The following AASS variants were observed in gnomAD, a reference collection of about 807,000 sequenced individuals.
AASS encodes alpha-aminoadipic semialdehyde synthase, mitochondrial.
In AASS, 86 loss-of-function variants were observed where a neutral mutation model predicts 105.4. The observed-to-expected ratio is 0.82, with a 90% CI of 0.69 to 0.98. AASS has a LOEUF of 0.98. AASS is among the 50% of genes least tolerant of loss of function. AASS has a pLI of 0.00. For missense variants in AASS, 1,048 were observed against 1,143.2 expected, an observed-to-expected ratio of 0.92 and a Z score of 1.20; for synonymous variants, 381 against 394.8, an observed-to-expected ratio of 0.96 and a Z score of 0.41.
intron 15 of AASS, among the ~76,000 whole-genome samples, chr7:122,097,927 C>T (rs1278576655): frequency 6.6e-6 from 1 of 151,726 alleles, no homozygotes; most frequent in African/African-American, 2.4e-5. Context: ...TAGCCAAAAT[C>T]CAGAAACAAC....
intron 18 of AASS, among the ~76,000 whole-genome samples, chr7:122,089,383 G>GA (rs1236065826): frequency 4.6e-5 from 7 of 152,010 alleles, no homozygotes; most frequent in Non-Finnish European, 8.8e-5. Flanking sequence ...GTGGGACCTT[G>GA]AAAAAAGTAT....
At chr7:122,098,944 T>C (rs1794304881) in intron 13 of AASS, 78 bp from the exon 14 acceptor site, 2 of 1,403,950 alleles carry the variant, frequency 1.4e-6, no homozygotes, top group Admixed American at 5.1e-5. Context: ...GAATCTTGCA[T>C]TCCACAAATC....
At chr7:122,079,088 A>T in intron 21 of AASS, 138 bp from the exon 22 acceptor site, 1 of 1,553,676 alleles carries the variant, frequency 6.4e-7, no homozygotes, top group South Asian at 1.2e-5. Context: ...GATTCTCCTA[A>T]AATGTAAAAT....
chr7:122,134,972 T>C (rs1796077680), intron 1 of AASS, among the ~76,000 whole-genome samples: 1 of 152,018 alleles, frequency 6.6e-6, no homozygotes, highest in African/African-American at 2.4e-5. Flanking sequence ...ATGTCCTTTG[T>C]AGGGACATGG....
intron 16 of AASS, 42 bp downstream of exon 16, chr7:122,093,006 G>C (rs772320749): frequency 6.2e-7 from 1 of 1,608,882 alleles, no homozygotes; most frequent in Middle Eastern, 1.7e-4. Flanking sequence ...TAAAAACAAT[G>C]CCATGGATCC....
At chr7:122,093,798 A>T (rs1452916453) in intron 15 of AASS, among the ~76,000 whole-genome samples, 1 of 152,174 alleles carries the variant, frequency 6.6e-6, no homozygotes, top group Non-Finnish European at 1.5e-5. Flanking sequence ...CAATAGAGTG[A>T]GACCCTGTCT....
At chr7:122,130,760 T>C (rs1795870617) in intron 2 of AASS, among the ~76,000 whole-genome samples, 1 of 152,094 alleles carries the variant, frequency 6.6e-6, no homozygotes, top group Non-Finnish European at 1.5e-5. Flanking sequence ...AGGATGAATA[T>C]ACAATTTCTC....
At chr7:122,121,381 A>G (rs548895989) in intron 4 of AASS, among the ~76,000 whole-genome samples, 23 of 152,248 alleles carry the variant, frequency 1.5e-4, no homozygotes, top group African/African-American at 5.5e-4. Context: ...TGAAACTATC[A>G]ATTATCTTTT....
chr7:122,131,149 T>C (rs1163683100), intron 2 of AASS, among the ~76,000 whole-genome samples: 1 of 151,842 alleles, frequency 6.6e-6, no homozygotes, highest in African/African-American at 2.4e-5. Flanking sequence ...TTCTGGAATT[T>C]GTAAATGTTC....
intron 1 of AASS, among the ~76,000 whole-genome samples, chr7:122,139,210 G>A (rs983736914): frequency 1.3e-5 from 2 of 151,970 alleles, no homozygotes; most frequent in Non-Finnish European, 2.9e-5. Flanking sequence ...TTTTGTACAC[G>A]GAATATGGGA....
Position 122,086,126 on chromosome 7 carries a change from A to T in AASS, c.2070T>A (p.Asp690Glu), listed in dbSNP as rs1428223879. The change falls in exon 19 of 24, where the codon GAT becomes GAA. Residue 690 changes from aspartate (D) to glutamate (E), a missense_variant. Asp to Glu is a conservative substitution (Grantham distance 45, BLOSUM62 2). Coordinates refer to ENST00000417368, the MANE Select transcript of AASS (RefSeq NM_005763.4). ...ISFLDAVTSM[D>E]FFPGLNLEGY... ...CTTCCAAATTTAATCCTGGAAAAAA[A>T]TCCATGGACGTAACGGCATCAAGAA... The T allele has an allele frequency of 4.3e-6, 7 of 1,613,486 alleles. No individual in the cohort carries two copies. Among genetic ancestry groups the T allele is most frequent in the African/African-American group, 1.3e-5 (1 of 74,864 alleles).
In AASS at chr7:122,118,478, AG is replaced by A. The variant is rs746031406; in HGVS notation, c.541-26del. The A allele has an allele frequency of 3.1e-6, 5 of 1,614,012 alleles. No individual in the cohort carries two copies. The African/African-American group carries it at 6.7e-5, about 22-fold the overall frequency. ...GCTGAAAACAAACATACACAACTCAAGTTAGTCCACCAGCTCAGCATTTTTT... is the reference window on the plus strand; with the variant it reads ...GCTGAAAACAAACATACACAACTCAATTAGTCCACCAGCTCAGCATTTTTT... On this transcript the variant is annotated intron_variant, in intron 5 of 23. Transcript: ENST00000417368.
At chr7:122,096,181 TTAC>T (rs1344527413) in intron 15 of AASS, among the ~76,000 whole-genome samples, 6 of 152,182 alleles carry the variant, frequency 3.9e-5, no homozygotes, top group African/African-American at 1.4e-4. Context: ...TTGAAATCAA[TTAC>T]TACTTTGTAT....
chr7:122,131,053 A>T (rs1453359466), intron 2 of AASS, among the ~76,000 whole-genome samples: 1 of 151,722 alleles, frequency 6.6e-6, no homozygotes, highest in Admixed American at 6.6e-5. Flanking sequence ...AAAAAGAAAA[A>T]ACAATGATAG....
rs533803156 is a variant in AASS, at chr7:122,143,408, T to C, written c.-16+753A>G. ...AAAAGCACATTTCTTCTTCTGAAGC[T>C]GTCAGGATAGACAGACATTCAGCCC... On this transcript the variant is annotated intron_variant, in intron 1 of 23. Coordinates refer to ENST00000417368, the MANE Select transcript of AASS (RefSeq NM_005763.4). Among the ~76,000 whole-genome samples, 10 of 151,026 alleles carry C rather than the reference T, an allele frequency of 6.6e-5. No individual in the cohort carries two copies. In the East Asian group the frequency reaches 2.0e-3, roughly 30 times the overall value.
At chr7:122,078,192 A>G (rs1389310935) in intron 22 of AASS, among the ~76,000 whole-genome samples, 178 bp from the exon 23 acceptor site, 1 of 152,104 alleles carries the variant, frequency 6.6e-6, no homozygotes, top group African/African-American at 2.4e-5. Context: ...AGGAAATTAG[A>G]ACTCTGATCT....
At chr7:122,133,964 G>C (rs1322932098) in intron 1 of AASS, 1 of 562,814 alleles carries the variant, frequency 1.8e-6, no homozygotes, top group African/African-American at 1.9e-5. Flanking sequence ...ATAGAGCAAC[G>C]TGTGTGACAC....
intron 11 of AASS, among the ~76,000 whole-genome samples, chr7:122,105,109 C>G (rs1794604901): frequency 6.6e-6 from 1 of 151,986 alleles, no homozygotes; most frequent in Admixed American, 6.6e-5. Flanking sequence ...AAAAACTTAA[C>G]ACAAAAATTT....
chr7:122,130,937 A>C (rs1243019751), intron 2 of AASS, among the ~76,000 whole-genome samples: 2 of 151,572 alleles, frequency 1.3e-5, no homozygotes, highest in East Asian at 1.9e-4. Context: ...CTAAAGAAAG[A>C]AAGCAAGGTT....
Sources: allele counts gnomAD v4.1 joint callset (sites outside exome capture counted in the v4.1 genomes callset), GRCh38; gene constraint gnomAD v4.1.1; transcripts MANE v1.5; gene names NCBI Gene and HGNC (gene_info 2026-07-23, HGNC 2026-07-21).